The following BMERB1 variants were observed in gnomAD, a reference collection of about 807,000 sequenced individuals.
BMERB1 encodes bMERB domain-containing protein 1.
BMERB1 carries 12 observed loss-of-function variants against 23.6 expected under a neutral mutation model. The observed-to-expected ratio is 0.51, with a 90% CI of 0.33 to 0.82. The LOEUF is 0.82. Ranked by LOEUF, BMERB1 falls within the 40% of genes least tolerant of loss-of-function variation. BMERB1 has a pLI of 0.03. For synonymous variants in BMERB1, 122 were observed against 96.6 expected (o/e 1.26, Z -1.54); for missense variants, 247 against 255.4 (o/e 0.97, Z 0.22).
chr16:15,481,796 G>A (rs2051322821), intron 1 of BMERB1, among the ~76,000 whole-genome samples: 1 of 150,520 alleles, frequency 6.6e-6, no homozygotes, highest in Non-Finnish European at 1.5e-5. Flanking sequence ...ATGATCTCGG[G>A]TCACTGCAAC....
At chr16:15,561,653 G>A (rs1390053942) in intron 2 of BMERB1, among the ~76,000 whole-genome samples, 1 of 152,146 alleles carries the variant, frequency 6.6e-6, no homozygotes, top group Non-Finnish European at 1.5e-5. Context: ...AGTGCTTTGG[G>A]AGGCTGACAT....
chr16:15,498,052 C>G (rs548491843), intron 1 of BMERB1, among the ~76,000 whole-genome samples: 1 of 152,288 alleles, frequency 6.6e-6, no homozygotes, highest in East Asian at 1.9e-4. Flanking sequence ...TTATCATTAT[C>G]CTTCCCATTT....
chr16:15,493,640 C>G (rs34792), intron 1 of BMERB1, among the ~76,000 whole-genome samples: 78,801 of 151,620 alleles, frequency 0.52, 21,775 homozygotes, highest in Middle Eastern at 0.66. Context: ...TTGAACTGGA[C>G]CCGTTCACGC....
intron 1 of BMERB1, among the ~76,000 whole-genome samples, chr16:15,444,119 C>CTTTTTTT (rs1225982061): frequency 2.2e-3 from 53 of 24,408 alleles, no homozygotes; most frequent in African/African-American, 6.6e-3. Flanking sequence ...CAGGCACCAG[C>CTTTTTTT]TTTGTTTTTT....
chr16:15,459,026 T>C (rs895192288), intron 1 of BMERB1, among the ~76,000 whole-genome samples: 4 of 152,046 alleles, frequency 2.6e-5, no homozygotes, highest in East Asian at 1.9e-4. Context: ...GAGAATTGCT[T>C]GAACCTGGGA....
chr16:15,548,570 G>A (rs1276464147), intron 2 of BMERB1, among the ~76,000 whole-genome samples: 2 of 152,042 alleles, frequency 1.3e-5, no homozygotes, highest in African/African-American at 4.8e-5. Context: ...TCACAGCAAG[G>A]CTTCTACCTC....
chr16:15,454,650 G>A (rs1038593659), intron 1 of BMERB1, among the ~76,000 whole-genome samples: 2 of 152,088 alleles, frequency 1.3e-5, no homozygotes, highest in African/African-American at 4.8e-5. Context: ...AAAATTAGCC[G>A]GTGTGATGGC....
chr16:15,583,634 G>A (rs956399790), intron 5 of BMERB1, among the ~76,000 whole-genome samples: 8 of 150,980 alleles, frequency 5.3e-5, no homozygotes, highest in South Asian at 2.1e-4. Flanking sequence ...CATAAGGGGC[G>A]CAACAAAATG....
At chr16:15,447,712 A>G (rs1159134671) in intron 1 of BMERB1, among the ~76,000 whole-genome samples, 1 of 152,108 alleles carries the variant, frequency 6.6e-6, no homozygotes, top group Non-Finnish European at 1.5e-5. Context: ...TCAAGGAAGA[A>G]TGGAGGTGAC....
chr16:15,490,893 G>A (rs1246336258), intron 1 of BMERB1, among the ~76,000 whole-genome samples: 1 of 151,972 alleles, frequency 6.6e-6, no homozygotes, highest in Non-Finnish European at 1.5e-5. Context: ...CCCAGGCTGT[G>A]GTGCAGTGGC....
intron 2 of BMERB1, among the ~76,000 whole-genome samples, chr16:15,567,259 A>T (rs1249666565): frequency 2.0e-5 from 3 of 152,162 alleles, no homozygotes; most frequent in Admixed American, 2.0e-4. Context: ...AGAGGAATAC[A>T]TACTAAACCG....
At chr16:15,442,332 GAAAA>G (rs917043266) in intron 1 of BMERB1, among the ~76,000 whole-genome samples, 1 of 116,922 alleles carries the variant, frequency 8.6e-6, no homozygotes, top group Non-Finnish European at 1.9e-5. Context: ...ACTGTCTCAA[GAAAA>G]AAAAAAAAAA....
Position 15,586,807 on chromosome 16 carries a change from C to T in BMERB1, c.593C>T (p.Ala198Val). ...GLALIKDCCG[A>V]TQCNIM Reference sequence around the variant, plus strand: ...GCACTGATCAAGGATTGTTGCGGGGCCACCCAGTGCAACATCATGTAGCCC... The same window carrying T: ...GCACTGATCAAGGATTGTTGCGGGGTCACCCAGTGCAACATCATGTAGCCC... The change falls in exon 6 of 6, where the codon GCC becomes GTC. Residue 198 changes from alanine (A) to valine (V), a missense_variant. Transcript: ENST00000300006. 3.1e-6 allele frequency: 5 copies of T among 1,609,178 alleles called. No homozygotes were observed. The highest frequency in any genetic ancestry group is 3.4e-6 in the Non-Finnish European group (4 of 1,178,256).
chr16:15,559,166 G>A (rs1299616081), intron 2 of BMERB1, among the ~76,000 whole-genome samples: 2 of 152,114 alleles, frequency 1.3e-5, no homozygotes, highest in African/African-American at 4.8e-5. Context: ...ACGTGACTAT[G>A]GTAATGGTTG....
At chr16:15,451,440 C>T (rs1214255375) in intron 1 of BMERB1, among the ~76,000 whole-genome samples, 1 of 152,112 alleles carries the variant, frequency 6.6e-6, no homozygotes, top group Non-Finnish European at 1.5e-5. Context: ...ATCTCAGCCT[C>T]CCAAAGTGCT....
chr16:15,580,485 T>C (rs1948594525), intron 3 of BMERB1, among the ~76,000 whole-genome samples: 2 of 152,128 alleles, frequency 1.3e-5, no homozygotes, highest in South Asian at 4.2e-4. Context: ...CTTCTCCAAG[T>C]TCATCCAGAG....
At chr16:15,524,220 C>G (rs1393148944) in intron 2 of BMERB1, among the ~76,000 whole-genome samples, 1 of 152,082 alleles carries the variant, frequency 6.6e-6, no homozygotes, top group Non-Finnish European at 1.5e-5. Context: ...TTGCCGGGGC[C>G]ACTGTACATA....
At chr16:15,555,543 CATTT>C (rs2030229536) in intron 2 of BMERB1, among the ~76,000 whole-genome samples, 1 of 152,120 alleles carries the variant, frequency 6.6e-6, no homozygotes, top group South Asian at 2.1e-4. Context: ...AAGAAGGTGA[CATTT>C]GTTTGGGAAC....
In BMERB1 at chr16:15,562,242, G is replaced by C. The variant is rs915373938; in HGVS notation, c.231-5741G>C. Among the ~76,000 whole-genome samples, 14 of 149,176 alleles carry C rather than the reference G, an allele frequency of 9.4e-5. 1 individual carries two copies. In the South Asian group the frequency reaches 1.0e-3, roughly 11 times the overall value. On this transcript the variant is annotated intron_variant, in intron 2 of 5. Coordinates refer to ENST00000300006, the MANE Select transcript of BMERB1 (RefSeq NM_033201.3). ...CACTTGAACCCGGGAGGCAAAGGTT[G>C]CAATGAGCCAAGATCGCGCCATTGC... is the stretch of plus-strand genomic sequence containing the variant.
Sources: gnomAD v4.1 joint callset for allele counts (sites outside exome capture counted in the v4.1 genomes callset) on GRCh38, gnomAD v4.1.1 for gene constraint, MANE v1.5 for transcripts, NCBI Gene and HGNC (gene_info 2026-07-23, HGNC 2026-07-21) for gene names.